The following SPTB variants were observed in gnomAD, a reference collection of about 807,000 sequenced individuals.
SPTB encodes the protein spectrin beta, erythrocytic, also known as spectrin beta chain, erythrocytic.
A neutral mutation model predicts 256.2 loss-of-function variants in SPTB; 45 were observed. The observed-to-expected ratio is 0.18, with a 90% CI of 0.14 to 0.23. The LOEUF (loss-of-function observed/expected upper bound fraction) is 0.23. SPTB is among the 10% of genes least tolerant of loss of function. SPTB has a pLI of 1.00. For missense variants in SPTB, 2,715 were observed against 3,040.4 expected (o/e 0.89, Z 2.52); for synonymous variants, 1,231 against 1,243.1 (o/e 0.99, Z 0.21).
At chr14:64,874,723 C>T (rs1314574352) in intron 1 of SPTB, among the ~76,000 whole-genome samples, 1 of 152,188 alleles carries the variant, frequency 6.6e-6, no homozygotes, top group Admixed American at 6.5e-5. Context: ...TATACATTCT[C>T]AAGTGAGACA....
intron 1 of SPTB, among the ~76,000 whole-genome samples, chr14:64,876,298 C>T (rs545993361): frequency 2.8e-4 from 42 of 152,198 alleles, no homozygotes; most frequent in African/African-American, 9.6e-4. Context: ...CCCACCACCA[C>T]ACCTGGCTAA....
Position 64,793,272 on chromosome 14 carries a change from C to T in SPTB, c.2391G>A (p.Gly797=), listed in dbSNP as rs972297954. Residue 797 remains glycine (G), a synonymous_variant, in exon 14 of 36, where the codon GGG becomes GGA. Transcript: ENST00000644917. The surrounding 1 kb of genome is among the most constrained non-coding windows in gnomAD (Gnocchi z 7.0). ...CCTGCTGCTCCAGGTGCTCCATCAC[C>T]CCACGGCTCTCCTCCAGCTCCTCCA... The part of the protein sequence containing the change: ...DFLEELEESR[G]VMEHLEQQAQ... The T allele has an allele frequency of 8.1e-6, 13 of 1,606,908 alleles. No individual in the cohort carries two copies. The highest frequency in any genetic ancestry group is 1.0e-5 in the Non-Finnish European group (12 of 1,180,006).
At chr14:64,761,801 C>T (rs973893750) in intron 32 of SPTB, among the ~76,000 whole-genome samples, 1 of 152,178 alleles carries the variant, frequency 6.6e-6, no homozygotes, top group African/African-American at 2.4e-5. Context: ...GAGCCAGCCA[C>T]TCAGCATTTG....
rs148177952 is a variant in SPTB at position 64,807,304 on chromosome 14, T to C, written c.149-2214A>G. Among the ~76,000 whole-genome samples the C allele has an allele frequency of 5.3e-5, 8 of 152,220 alleles. No individual in the cohort carries two copies. Among genetic ancestry groups the C allele is most frequent in the Admixed American group, 6.5e-5 (1 of 15,286 alleles). ...TTCATTACGTGGGTGCTGAGAACTATTTATCTGTGCTTGGCAAAGGGTAAG... is the reference window on the plus strand; with the variant it reads ...TTCATTACGTGGGTGCTGAGAACTACTTATCTGTGCTTGGCAAAGGGTAAG... On this transcript the variant is annotated intron_variant, in intron 2 of 35. Transcript: ENST00000644917. This position sits in a 1 kb window ranked among gnomAD's most constrained non-coding sequence, Gnocchi z 4.7.
Position 64,749,691 on chromosome 14 carries a change from C to G in SPTB, c.6782G>C (p.Ser2261Thr). The G allele has an allele frequency of 6.2e-7, 1 of 1,613,838 alleles. No homozygotes were observed. Among genetic ancestry groups the G allele is most frequent in the East Asian group, 2.2e-5 (1 of 44,858 alleles). Residue 2261 changes from serine to threonine, a missense_variant, in exon 35 of 36, where the codon AGT (serine) becomes ACT (threonine). Ser to Thr is a moderately conservative substitution (Grantham distance 58). Around this residue, in one of 4 missense-constraint regions of SPTB, gnomAD observed 2,239 missense variants for 2,384.4 expected, o/e 0.94. Transcript: ENST00000644917. The surrounding 1 kb of genome is among the most constrained non-coding windows in gnomAD (Gnocchi z 4.7). ...KKKHVFKLRL[S>T]NGSEWLFHGK... is the part of the protein sequence containing the mutation. ...ATGGAAGAGCCACTCGCTGCCATTA[C>G]TCAGCCTAGGAGGACAAAGGGTTTC...
intron 1 of SPTB, among the ~76,000 whole-genome samples, chr14:64,834,970 G>A (rs1374621940): frequency 6.6e-6 from 1 of 152,174 alleles, no homozygotes; most frequent in Non-Finnish European, 1.5e-5. Flanking sequence ...TATTTTAAAA[G>A]TCTAACCTAT....
At position 64,774,542 on chromosome 14, in the gene SPTB, A is replaced by G; in HGVS notation, c.4843-15T>C. 6.4e-7 allele frequency: 1 copy of G among 1,552,342 alleles called. No individual in the cohort carries two copies. ...CCCTCTTCATCCTAGGAGGCAGCAG[A>G]CGGTCAGCGCCAGAGCTCAGTCTGG... On this transcript the variant is annotated splice_polypyrimidine_tract_variant and intron_variant, in intron 23 of 35. Transcript: ENST00000644917.
intron 1 of SPTB, among the ~76,000 whole-genome samples, chr14:64,833,519 C>T (rs907494739): frequency 5.3e-5 from 8 of 151,448 alleles, no homozygotes; most frequent in African/African-American, 1.9e-4. Context: ...GCCTTTGTAC[C>T]CAGCCTGGGT....
rs1339398663 is a variant in SPTB at position 64,784,258 on chromosome 14, T to G, written c.3991A>C (p.Asn1331His). 2 of 1,614,048 alleles carry G rather than the reference T, an allele frequency of 1.2e-6. No homozygotes were observed. The highest frequency in any genetic ancestry group is 1.7e-6 in the Non-Finnish European group (2 of 1,180,026). ...ELASHEGWLENIDAEGKQLMD... is the reference protein window; with the variant it reads ...ELASHEGWLEHIDAEGKQLMD... ...ATCACTTTACTTACCGCATCGATGT[T>G]CTCTAGCCACCCTTCATGGGAAGCC... Residue 1331 changes from asparagine (N) to histidine (H), a missense_variant, in exon 19 of 36, where the codon AAC (asparagine) becomes CAC (histidine). By Grantham distance (68) the Asn-to-His change is moderately conservative (BLOSUM62 1). Around this residue, in one of 4 missense-constraint regions of SPTB, gnomAD observed 2,239 missense variants for 2,384.4 expected, o/e 0.94. Transcript: ENST00000644917.
chr14:64,815,557 T>C (rs1566782738), intron 2 of SPTB, among the ~76,000 whole-genome samples: 1 of 152,148 alleles, frequency 6.6e-6, no homozygotes, highest in Non-Finnish European at 1.5e-5. Context: ...ATATCAGGCA[T>C]TGTTGTCTTG....
intron 1 of SPTB, among the ~76,000 whole-genome samples, chr14:64,876,379 T>C (rs1434725013): frequency 6.6e-6 from 1 of 152,092 alleles, no homozygotes; most frequent in African/African-American, 2.4e-5. Flanking sequence ...CTGACCAGCA[T>C]GGTGAAACCC....
At chr14:64,767,882 G>T (rs368276704) in intron 29 of SPTB, 23 bp from the exon 30 acceptor site, 1 of 1,612,482 alleles carries the variant, frequency 6.2e-7, no homozygotes, top group Non-Finnish European at 8.5e-7. Flanking sequence ...ACAGGACACA[G>T]ACCCCCCACA....
chr14:64,829,695 G>A (rs1458988260), intron 1 of SPTB, among the ~76,000 whole-genome samples: 3 of 152,016 alleles, frequency 2.0e-5, no homozygotes, highest in Non-Finnish European at 2.9e-5. Context: ...TTTTATACAC[G>A]CTTGAAATTT....
intron 32 of SPTB, among the ~76,000 whole-genome samples, chr14:64,765,017 A>AGGGTGTGTGTGTGTGTGT: frequency 9.2e-6 from 1 of 108,854 alleles, no homozygotes; most frequent in East Asian, 3.2e-4. Context: ...GCCACAGAGG[A>AGGGTGTGTGTGTGTGTGT]GTGTGTGCGT....
Position 64,775,455 on chromosome 14 carries a change from G to A in SPTB, c.4564-52C>T, listed in dbSNP as rs781655514. 11 of 1,579,602 alleles carry A rather than the reference G, an allele frequency of 7.0e-6. No homozygotes were observed. Among genetic ancestry groups the A allele is most frequent in the South Asian group, 1.2e-5 (1 of 85,804 alleles). On this transcript the variant is annotated intron_variant, in intron 22 of 35. Coordinates refer to ENST00000644917, the MANE Select transcript of SPTB (RefSeq NM_001355436.2). The surrounding 1 kb of genome is among the most constrained non-coding windows in gnomAD (Gnocchi z 5.0). ...CAGGGCCTTCCCACCATGCGGGGGA[G>A]GCTGCTTCAGCAGTGGCAGCACAGC...
In SPTB at chr14:64,792,221, C is replaced by G. The variant is rs574278146; in HGVS notation, c.2667-365G>C. 1.3e-5 allele frequency among the ~76,000 whole-genome samples: 2 copies of G among 152,224 alleles called. No homozygotes were observed. The highest frequency in any genetic ancestry group is 2.9e-5 in the Non-Finnish European group (2 of 68,042). ...ACCTTCCAGGCCTCTGCTTTTCCGG[C>G]TGTTGCTTTTGGACTCTGAGTCCAA... is the stretch of plus-strand genomic sequence containing the variant. On this transcript the variant is annotated intron_variant, in intron 14 of 35. Coordinates refer to ENST00000644917, the MANE Select transcript of SPTB (RefSeq NM_001355436.2). This position sits in a 1 kb window ranked among gnomAD's most constrained non-coding sequence, Gnocchi z 4.2.
rs1491334972 is a variant in SPTB, at chr14:64,751,098, TAA to T, written c.6603-946_6603-945del. Among the ~76,000 whole-genome samples the T allele has an allele frequency of 8.2e-5, 12 of 146,344 alleles. No homozygotes were observed. The East Asian group carries it at 2.1e-3, about 26-fold the overall frequency. On this transcript the variant is annotated intron_variant, in intron 33 of 35. Coordinates refer to ENST00000644917, the MANE Select transcript of SPTB (RefSeq NM_001355436.2). ...GTATATAACATTTATATATTATACATAATATATATAATATATAATATTTATAT... is the reference window on the plus strand; with the variant it reads ...GTATATAACATTTATATATTATACATTATATATAATATATAATATTTATAT...
chr14:64,867,806 A>G (rs1244295357), intron 1 of SPTB, among the ~76,000 whole-genome samples: 1 of 149,024 alleles, frequency 6.7e-6, no homozygotes, highest in Non-Finnish European at 1.5e-5. Flanking sequence ...GTGAGCCGAG[A>G]TCATGCCACT....
At chr14:64,850,965 CTTCT>C (rs2139775265) in intron 1 of SPTB, among the ~76,000 whole-genome samples, 1 of 152,342 alleles carries the variant, frequency 6.6e-6, no homozygotes, top group East Asian at 1.9e-4. Context: ...CAATCCAGGT[CTTCT>C]TTCTGTCTAT....
Sources: gnomAD v4.1 joint callset for allele counts (sites outside exome capture counted in the v4.1 genomes callset) on GRCh38, gnomAD v4.1.1 for gene constraint, gnomAD v4.1.1 regional missense constraint, Gnocchi (gnomAD v3.1) non-coding constraint, MANE v1.5 for transcripts, NCBI Gene and HGNC (gene_info 2026-07-23, HGNC 2026-07-21) for gene names.